The following IL18R1 variants were observed in gnomAD, a reference collection of about 807,000 sequenced individuals.
The protein encoded by IL18R1 is interleukin 18 receptor 1.
In IL18R1, 40 loss-of-function variants were observed where a neutral mutation model predicts 48.5. That is an observed-to-expected ratio of 0.82 (90% CI 0.64 to 1.07). The LOEUF (loss-of-function observed/expected upper bound fraction) is 1.07, where lower values mean the gene tolerates loss of function less well. IL18R1 is among the 50% of genes least tolerant of loss of function. IL18R1 has a pLI of 0.00. For missense variants in IL18R1, 596 were observed against 633.7 expected, an observed-to-expected ratio of 0.94 and a Z score of 0.64; for synonymous variants, 232 against 225.9, an observed-to-expected ratio of 1.03 and a Z score of -0.24.
intron 9 of IL18R1, among the ~76,000 whole-genome samples, chr2:102,393,026 G>T (rs1680633956): frequency 6.6e-6 from 1 of 152,084 alleles, no homozygotes; most frequent in Non-Finnish European, 1.5e-5. Context: ...ATTTTTCATA[G>T]GTAAGAGCAA....
rs752633018 is a variant in IL18R1 at position 102,375,888 on chromosome 2, C to T, written c.469-19C>T. Reference sequence around the variant, plus strand: ...TTGGCTTTTACTTAAAGTATTTTAACTTGTTTTATTAAAAACAGAACTGTA... The same window carrying T: ...TTGGCTTTTACTTAAAGTATTTTAATTTGTTTTATTAAAAACAGAACTGTA... On this transcript the variant is annotated intron_variant, in intron 4 of 10. Transcript: ENST00000233957. The T allele has an allele frequency of 6.7e-7, 1 of 1,503,314 alleles. No individual in the cohort carries two copies. Among genetic ancestry groups the T allele is most frequent in the South Asian group, 1.3e-5 (1 of 74,534 alleles). The allele number at this position is 1,503,314 out of a possible 1,614,324, so 93.1% of individuals were successfully genotyped here. A position where few individuals can be genotyped will look rare whatever the true frequency, so the allele number is the denominator to read the frequency against.
chr2:102,396,373 A>G (rs1337999980), intron 10 of IL18R1, among the ~76,000 whole-genome samples, 158 bp from the exon 11 acceptor site: 1 of 152,238 alleles, frequency 6.6e-6, no homozygotes, highest in Non-Finnish European at 1.5e-5. Flanking sequence ...GAGATTTTTT[A>G]ATAAGCATAT....
At chr2:102,374,529 A>G (rs1302223072) in intron 4 of IL18R1, among the ~76,000 whole-genome samples, 2 of 152,198 alleles carry the variant, frequency 1.3e-5, no homozygotes, top group African/African-American at 4.8e-5. Flanking sequence ...CTGTAATCCC[A>G]GCACTTTGTG....
At chr2:102,378,090 AC>A (rs761885902) in intron 5 of IL18R1, among the ~76,000 whole-genome samples, 2 of 152,140 alleles carry the variant, frequency 1.3e-5, no homozygotes, top group Non-Finnish European at 2.9e-5. Flanking sequence ...CAGAACCTAC[AC>A]CCTCTTTCCC....
intron 5 of IL18R1, among the ~76,000 whole-genome samples, chr2:102,379,444 C>CAA (rs112656218): frequency 0.014 from 1,461 of 101,886 alleles, 41 homozygotes; most frequent in African/African-American, 0.036. Context: ...GACTCGGTCT[C>CAA]AAAAAAAAAA....
intron 6 of IL18R1, among the ~76,000 whole-genome samples, chr2:102,383,686 T>C (rs1182155941): frequency 1.3e-5 from 2 of 152,198 alleles, no homozygotes; most frequent in African/African-American, 4.8e-5. Context: ...GTGTCTCTCA[T>C]AAACTGCATG....
chr2:102,370,302 T>A (rs1045204141), intron 3 of IL18R1, among the ~76,000 whole-genome samples: 2 of 152,148 alleles, frequency 1.3e-5, no homozygotes, highest in African/African-American at 4.8e-5. Context: ...TAGAGAACAA[T>A]GTAGTCTGAA....
chr2:102,358,564 T>A (rs1453602439), intron 1 of IL18R1, among the ~76,000 whole-genome samples: 1 of 152,182 alleles, frequency 6.6e-6, no homozygotes, highest in Admixed American at 6.5e-5. Flanking sequence ...ATATATGCAT[T>A]TAAGATGTAT....
Position 102,397,088 on chromosome 2 carries a change from G to T in IL18R1, c.*202G>T. 2.1e-6 allele frequency: 1 copy of T among 486,958 alleles called. No homozygotes were observed. The highest frequency in any genetic ancestry group is 3.6e-6 in the Non-Finnish European group (1 of 278,644). The allele number at this position is 486,958 out of a possible 1,614,324, so 30.2% of individuals were successfully genotyped here. A position where few individuals can be genotyped will look rare whatever the true frequency, so the allele number is the denominator to read the frequency against. On this transcript the variant is annotated 3_prime_UTR_variant, in exon 11 of 11. Coordinates refer to ENST00000233957, the MANE Select transcript of IL18R1 (RefSeq NM_003855.5). ...GGGCTGTGGTCACGTGCTCCCAGAA[G>T]ACCTGGAATTCAAAAGAAATGGAGC...
intron 5 of IL18R1, among the ~76,000 whole-genome samples, chr2:102,378,292 C>G (rs945661902): frequency 6.6e-6 from 1 of 152,170 alleles, no homozygotes; most frequent in East Asian, 1.9e-4. Flanking sequence ...TTCCTTAGTT[C>G]CTCTCTGCCT....
At chr2:102,386,768 A>G in intron 7 of IL18R1, 93 bp from the exon 8 acceptor site, 2 of 1,274,674 alleles carry the variant, frequency 1.6e-6, no homozygotes, top group Non-Finnish European at 2.3e-6. Flanking sequence ...TGCAGGCAAC[A>G]TCACAGCTGC....
Position 102,390,045 on chromosome 2 carries a change from T to C in IL18R1, c.950-11T>C. The C allele has an allele frequency of 6.2e-7, 1 of 1,613,394 alleles. No individual in the cohort carries two copies. The highest frequency in any genetic ancestry group is 8.5e-7 in the Non-Finnish European group (1 of 1,179,624). On this transcript the variant is annotated splice_polypyrimidine_tract_variant and intron_variant, in intron 8 of 10. Coordinates refer to ENST00000233957, the MANE Select transcript of IL18R1 (RefSeq NM_003855.5). ...GATTATTTTCTTTTCCTTTTTCCCT[T>C]TCTTTTCTAGCAGACATGGCTGATA...
chr2:102,368,656 T>G (rs1409150299), intron 3 of IL18R1, among the ~76,000 whole-genome samples: 3 of 152,160 alleles, frequency 2.0e-5, no homozygotes, highest in Non-Finnish European at 4.4e-5. Context: ...GGCCCTAGAT[T>G]GTGCCAGAAT....
At chr2:102,365,668 G>A (rs1353068785) in intron 2 of IL18R1, among the ~76,000 whole-genome samples, 1 of 152,154 alleles carries the variant, frequency 6.6e-6, no homozygotes, top group Non-Finnish European at 1.5e-5. Context: ...CACTACCCTA[G>A]CAAAGATTCT....
At chr2:102,390,820 C>A (rs191104812) in intron 9 of IL18R1, among the ~76,000 whole-genome samples, 77 of 151,198 alleles carry the variant, frequency 5.1e-4, no homozygotes, top group Admixed American at 4.2e-3. Flanking sequence ...GTAGTCCCAG[C>A]TACTCGGGAG....
chr2:102,376,185 G>C (rs756189335), intron 5 of IL18R1, 122 bp downstream of exon 5: 1 of 638,998 alleles, frequency 1.6e-6, no homozygotes, highest in Non-Finnish European at 2.5e-6. Flanking sequence ...CACACCACTA[G>C]TTCAAATATG....
chr2:102,382,852 A>G (rs56258475), intron 6 of IL18R1, among the ~76,000 whole-genome samples: 34,201 of 151,760 alleles, frequency 0.23, 4,457 homozygotes, highest in East Asian at 0.4. Flanking sequence ...TTTTTCTTCT[A>G]CTCAGTGGGG....
intron 8 of IL18R1, among the ~76,000 whole-genome samples, chr2:102,387,654 A>G (rs1349978090): frequency 3.9e-5 from 6 of 152,096 alleles, no homozygotes; most frequent in Non-Finnish European, 5.9e-5. Flanking sequence ...AGTTGTCACT[A>G]CTCATTCACT....
At chr2:102,383,530 C>T (rs1443650136) in intron 6 of IL18R1, among the ~76,000 whole-genome samples, 2 of 152,180 alleles carry the variant, frequency 1.3e-5, no homozygotes, top group Non-Finnish European at 2.9e-5. Flanking sequence ...AAATATCTCT[C>T]TTTATCTATC....
Sources: gnomAD v4.1 joint callset for allele counts (sites outside exome capture counted in the v4.1 genomes callset) on GRCh38, gnomAD v4.1.1 for gene constraint, MANE v1.5 for transcripts, NCBI Gene and HGNC (gene_info 2026-07-23, HGNC 2026-07-21) for gene names.